DNAH12: variants seen among roughly 807,000 people sequenced by gnomAD.
DNAH12 encodes axonemal beta dynein heavy chain 12.
In DNAH12, 285 loss-of-function variants were observed where a neutral mutation model predicts 371.5. The ratio of observed to expected loss-of-function variants is 0.77; its 90% CI spans 0.70 to 0.85. DNAH12 has a LOEUF of 0.85. DNAH12 is among the 40% of genes least tolerant of loss of function. DNAH12 has a pLI of 0.00. For synonymous variants in DNAH12, 1,200 were observed against 1,213.0 expected, an observed-to-expected ratio of 0.99 and a Z score of 0.22; for missense variants, 3,611 against 3,689.4, an observed-to-expected ratio of 0.98 and a Z score of 0.55.
At chr3:57,495,931 A>T (rs2067300237) in intron 11 of DNAH12, among the ~76,000 whole-genome samples, 1 of 140,830 alleles carries the variant, frequency 7.1e-6, no homozygotes, top group Admixed American at 7.1e-5. Flanking sequence ...ATTTATATAT[A>T]TTTTATACTA....
chr3:57,345,996 T>G (rs142056483), intron 60 of DNAH12, among the ~76,000 whole-genome samples: 1 of 152,232 alleles, frequency 6.6e-6, no homozygotes, highest in Non-Finnish European at 1.5e-5. Flanking sequence ...TTGAAACCCA[T>G]GTTGTTCAAG....
At chr3:57,474,130 T>C (rs529894581) in intron 13 of DNAH12, among the ~76,000 whole-genome samples, 5 of 152,098 alleles carry the variant, frequency 3.3e-5, no homozygotes, top group Non-Finnish European at 5.9e-5. Context: ...AGACAGTCCA[T>C]TGTTGCAAAG....
chr3:57,323,065 G>T lies in DNAH12; in HGVS notation c.10325C>A (p.Thr3442Asn), dbSNP rs2061844088. Residue 3442 changes from threonine to asparagine, a missense_variant, in exon 64 of 74, where the codon ACC becomes AAC. Thr to Asn is a moderately conservative substitution (Grantham distance 65, BLOSUM62 0). Around this residue, in one of 3 missense-constraint regions of DNAH12, gnomAD observed 2,266 missense variants for 2,236.9 expected, o/e 1.01. Transcript: ENST00000495027. ...PMLEKICEDF[T>N]SETCNSSFRL... The stretch of plus-strand genomic sequence containing the variant: ...AAAGGATGAGTTACAGGTTTCAGAG[G>T]TAAAATCTTCACATATTTTTTCCAA... The T allele has an allele frequency of 6.4e-7, 1 of 1,552,280 alleles. No individual in the cohort carries two copies. The highest frequency in any genetic ancestry group is 8.7e-7 in the Non-Finnish European group (1 of 1,147,150).
At chr3:57,428,885 A>C in intron 33 of DNAH12, 64 bp from the exon 34 acceptor site, 1 of 1,417,820 alleles carries the variant, frequency 7.1e-7, no homozygotes, top group Admixed American at 2.8e-5. Context: ...GCAATTATCA[A>C]CTATTTCTTA....
rs1421666618 is a variant in DNAH12, at chr3:57,437,038, T to C, written c.4568A>G (p.Glu1523Gly). 1 of 1,517,102 alleles carries C rather than the reference T, an allele frequency of 6.6e-7. No homozygotes were observed. Among genetic ancestry groups the C allele is most frequent in the Non-Finnish European group, 8.8e-7 (1 of 1,138,046 alleles). The allele number at this position is 1,517,102 out of a possible 1,614,324, so 94.0% of individuals were successfully genotyped here. Residue 1523 changes from glutamate to glycine, a missense_variant, in exon 30 of 74, where the codon GAA becomes GGA. This residue lies in a region of DNAH12 where 2,266 missense variants were observed against 2,236.9 expected (regional missense o/e 1.01). Coordinates refer to ENST00000495027, the MANE Select transcript of DNAH12 (RefSeq NM_001366028.2). ...DYHEFLECAH[E>G]ACNVHNLQPV... ...CTGAAGATTATGTACATTGCAGGCT[T>C]CATGAGCACATTCCAAAAATTCCTG...
upstream of DNAH12, among the ~76,000 whole-genome samples, chr3:57,545,385 C>A (rs761103948): frequency 6.6e-6 from 1 of 151,124 alleles, no homozygotes; most frequent in Admixed American, 6.6e-5. Flanking sequence ...TCTTGAACTC[C>A]TGACCTCAGG....
intron 4 of DNAH12, among the ~76,000 whole-genome samples, chr3:57,523,338 G>T (rs1016430617): frequency 2.0e-5 from 3 of 152,084 alleles, no homozygotes; most frequent in Non-Finnish European, 2.9e-5. Flanking sequence ...ACCCGAGATC[G>T]CACCACTGCC....
At chr3:57,356,816 T>G (rs2062812464) in intron 59 of DNAH12, among the ~76,000 whole-genome samples, 1 of 152,158 alleles carries the variant, frequency 6.6e-6, no homozygotes, top group Admixed American at 6.5e-5. Flanking sequence ...CTCGACTCAC[T>G]GCAACATCCA....
chr3:57,460,065 G>T (rs2066012692), intron 19 of DNAH12, among the ~76,000 whole-genome samples: 1 of 151,964 alleles, frequency 6.6e-6, no homozygotes. Flanking sequence ...AACCATCCAA[G>T]AATATATCCT....
At chr3:57,397,520 A>G (rs2153349694) in intron 43 of DNAH12, among the ~76,000 whole-genome samples, 1 of 152,236 alleles carries the variant, frequency 6.6e-6, no homozygotes, top group South Asian at 2.1e-4. Flanking sequence ...AACAATGGCC[A>G]ATTTTGGACA....
At chr3:57,416,827 A>C (rs926765037) in intron 37 of DNAH12, among the ~76,000 whole-genome samples, 43 of 152,192 alleles carry the variant, frequency 2.8e-4, no homozygotes, top group Admixed American at 2.7e-3. Flanking sequence ...GATCATAACT[A>C]ATTTTAAGGG....
chr3:57,463,079 A>T (rs2066102860), intron 17 of DNAH12, among the ~76,000 whole-genome samples: 1 of 152,144 alleles, frequency 6.6e-6, no homozygotes, highest in South Asian at 2.1e-4. Flanking sequence ...AAAAATAAGC[A>T]TATAAAAATA....
At chr3:57,469,071 G>T in intron 16 of DNAH12, 92 bp from the exon 17 acceptor site, 1 of 1,281,458 alleles carries the variant, frequency 7.8e-7, no homozygotes, top group Non-Finnish European at 1.0e-6. Context: ...TGTTTTTTAA[G>T]AGAGAAAAAT....
At chr3:57,419,164 G>A (rs563877512) in intron 37 of DNAH12, among the ~76,000 whole-genome samples, 1 of 152,286 alleles carries the variant, frequency 6.6e-6, no homozygotes, top group African/African-American at 2.4e-5. Context: ...AAAGTATGAT[G>A]GCAAGGGCTT....
At chr3:57,546,308 CT>C (rs2069572523), upstream of DNAH12, among the ~76,000 whole-genome samples, 2 of 152,110 alleles carry the variant, frequency 1.3e-5, no homozygotes, top group Admixed American at 1.3e-4. Flanking sequence ...ACCTTTGGGT[CT>C]GCGCTCCTTA....
rs528014900 is a variant in DNAH12, at chr3:57,475,199, T to C, written c.1651-2528A>G. On this transcript the variant is annotated intron_variant, in intron 13 of 73. Coordinates refer to ENST00000495027, the MANE Select transcript of DNAH12 (RefSeq NM_001366028.2). Reference sequence around the variant, plus strand: ...TCTAGAAAAGGGTGGAAGAAAAATGTCTTTGAACCAAGGTAGGAGAGGATT... The same window carrying C: ...TCTAGAAAAGGGTGGAAGAAAAATGCCTTTGAACCAAGGTAGGAGAGGATT... Among the ~76,000 whole-genome samples, 6 of 152,298 alleles carry C rather than the reference T, an allele frequency of 3.9e-5. No individual in the cohort carries two copies. The East Asian group carries it at 1.2e-3, about 29-fold the overall frequency.
Position 57,470,858 on chromosome 3 carries a change from C to A in DNAH12, c.1912-222G>T, listed in dbSNP as rs535107628. Among the ~76,000 whole-genome samples, 3 of 152,192 alleles carry A rather than the reference C, an allele frequency of 2.0e-5. No homozygotes were observed. In the South Asian group the frequency reaches 6.2e-4, roughly 32 times the overall value. On this transcript the variant is annotated intron_variant, in intron 15 of 73. Transcript: ENST00000495027. ...AGTAGCTGGGACTACAGATGCGGACCACCACACCCACCTAATTTTTGTATT... is the reference window on the plus strand; with the variant it reads ...AGTAGCTGGGACTACAGATGCGGACAACCACACCCACCTAATTTTTGTATT...
Position 57,425,204 on chromosome 3 carries a change from CTT to C in DNAH12, c.5254-65_5254-64del, listed in dbSNP as rs1450618611. ...TCTTATTTAGAAAATAAGAAAAACA[CTT>C]TATTTTTAAAAACTGATAAAAGCAT... On this transcript the variant is annotated intron_variant, in intron 34 of 73. Transcript: ENST00000495027. The C allele has an allele frequency of 3.8e-5, 25 of 663,314 alleles. No homozygotes were observed. In the Admixed American group the frequency reaches 6.2e-4, roughly 16 times the overall value. 41.1% of individuals were successfully genotyped at this position (663,314 alleles called of 1,614,324 possible). A position where few individuals can be genotyped will look rare whatever the true frequency, so the allele number is the denominator to read the frequency against.
At chr3:57,339,856 G>A (rs1221364794) in intron 60 of DNAH12, among the ~76,000 whole-genome samples, 2 of 152,138 alleles carry the variant, frequency 1.3e-5, no homozygotes, top group African/African-American at 4.8e-5. Context: ...GATTGCTTGA[G>A]TCCAGGGATT....
Sources: gnomAD v4.1 joint callset for allele counts (sites outside exome capture counted in the v4.1 genomes callset) on GRCh38, gnomAD v4.1.1 for gene constraint, gnomAD v4.1.1 regional missense constraint, MANE v1.5 for transcripts, NCBI Gene and HGNC (gene_info 2026-07-23, HGNC 2026-07-21) for gene names.